The following QSOX1 variants were observed in gnomAD, a reference collection of about 807,000 sequenced individuals.
QSOX1 encodes quiescin sulfhydryl oxidase 1.
In QSOX1, 40 loss-of-function variants were observed where a neutral mutation model predicts 76.1. That is an observed-to-expected ratio of 0.53 (90% CI 0.41 to 0.68). The LOEUF (loss-of-function observed/expected upper bound fraction) is 0.68, where lower values mean the gene tolerates loss of function less well. Ranked by LOEUF, QSOX1 falls within the 30% of genes least tolerant of loss-of-function variation. QSOX1 has a pLI of 0.00. For missense variants in QSOX1, 931 were observed against 974.3 expected, an observed-to-expected ratio of 0.96 and a Z score of 0.59; for synonymous variants, 392 against 413.1, an observed-to-expected ratio of 0.95 and a Z score of 0.62.
At chr1:180,165,550 C>T (rs955655627) in intron 1 of QSOX1, among the ~76,000 whole-genome samples, 2 of 152,286 alleles carry the variant, frequency 1.3e-5, no homozygotes, top group Non-Finnish European at 2.9e-5. Context: ...AACTCTGTTT[C>T]CACCTTTCCT....
chr1:180,175,433 T>C, intron 3 of QSOX1, 67 bp downstream of exon 3: 1 of 1,544,420 alleles, frequency 6.5e-7, no homozygotes. Flanking sequence ...CACCTGGGTT[T>C]CTATTGGGGT....
At chr1:180,183,126 G>A (rs935099379) in intron 6 of QSOX1, among the ~76,000 whole-genome samples, 1 of 152,144 alleles carries the variant, frequency 6.6e-6, no homozygotes, top group African/African-American at 2.4e-5. Context: ...TCCTCTCTCC[G>A]AGTTGGTGGA....
In QSOX1 at chr1:180,189,179, C is replaced by A. The variant is rs113567433; in HGVS notation, c.1018-373C>A. 5.0e-3 allele frequency among the ~76,000 whole-genome samples: 768 copies of A among 152,288 alleles called. 9 individuals are homozygous for A. Among genetic ancestry groups the A allele is most frequent in the African/African-American group, 0.018 (737 of 41,556 alleles). On this transcript the variant is annotated intron_variant, in intron 8 of 11. Transcript: ENST00000367602. ...ACAGGACTGTGTGGCCCAGGGCTCCCAGCAGCCCTGGCAAGGGGCACAAGT... is the reference window on the plus strand; with the variant it reads ...ACAGGACTGTGTGGCCCAGGGCTCCAAGCAGCCCTGGCAAGGGGCACAAGT...
At chr1:180,191,946 C>T (rs185993083) in intron 10 of QSOX1, among the ~76,000 whole-genome samples, 46 of 152,134 alleles carry the variant, frequency 3.0e-4, no homozygotes, top group Middle Eastern at 3.4e-3. Flanking sequence ...GGGCGGTGGT[C>T]GTCTTCTCCT....
intron 2 of QSOX1, among the ~76,000 whole-genome samples, chr1:180,174,471 A>G (rs1207135833): frequency 6.6e-6 from 1 of 152,202 alleles, no homozygotes; most frequent in South Asian, 2.1e-4. Context: ...CCCTTCCTTG[A>G]CTGTGTCTGC....
chr1:180,173,477 G>T (rs1185120549), intron 2 of QSOX1, among the ~76,000 whole-genome samples: 1 of 152,132 alleles, frequency 6.6e-6, no homozygotes, highest in Non-Finnish European at 1.5e-5. Flanking sequence ...AATATGTGTG[G>T]TATGTATAAG....
chr1:180,193,467 G>C (rs1433316857), intron 10 of QSOX1, among the ~76,000 whole-genome samples: 1 of 152,000 alleles, frequency 6.6e-6, no homozygotes, highest in African/African-American at 2.4e-5. Context: ...CTGCTGCGTG[G>C]AGGGGTAAAA....
chr1:180,194,605 G>A (rs187494727), intron 11 of QSOX1, among the ~76,000 whole-genome samples: 18 of 152,346 alleles, frequency 1.2e-4, no homozygotes, highest in Admixed American at 5.9e-4. Flanking sequence ...TTCCCATGCC[G>A]TTGCTCACTT....
chr1:180,178,871 A>G lies in QSOX1; in HGVS notation c.593A>G (p.Tyr198Cys). 1 of 1,613,648 alleles carries G rather than the reference A, an allele frequency of 6.2e-7. No individual in the cohort carries two copies. Among genetic ancestry groups the G allele is most frequent in the South Asian group, 1.1e-5 (1 of 91,084 alleles). The stretch of plus-strand genomic sequence containing the variant: ...CTGATCTTTGAAAAGGGAGGCTCCT[A>G]CCTGGGTAGAGAGGTGAGCTGCCCT... ...LALIFEKGGSYLGREVALDLS... is the reference protein window; with the variant it reads ...LALIFEKGGSCLGREVALDLS... Residue 198 changes from tyrosine (Y) to cysteine (C), a missense_variant, in exon 5 of 12, where the codon TAC (tyrosine) becomes TGC (cysteine). Physicochemically the swap from Tyr to Cys is radical, Grantham distance 194. Transcript: ENST00000367602.
chr1:180,164,725 G>A (rs151190474), intron 1 of QSOX1, among the ~76,000 whole-genome samples: 48 of 152,326 alleles, frequency 3.2e-4, no homozygotes, highest in Non-Finnish European at 4.7e-4. Flanking sequence ...CTGAGACGTC[G>A]TAAGGAGTAA....
rs1009267852 is a variant in QSOX1, at chr1:180,198,869, A to C, written c.*1832A>C. 5.6e-6 allele frequency: 1 copy of C among 178,748 alleles called. No homozygotes were observed. Among genetic ancestry groups the C allele is most frequent in the African/African-American group, 2.4e-5 (1 of 42,364 alleles). 11.1% of individuals were successfully genotyped at this position (178,748 alleles called of 1,614,324 possible). ...CCCAGGGCCGGTGCCCTGTGTGCCC[A>C]CTGCACCAAGGCCGCTGAATAAGCC... On this transcript the variant is annotated 3_prime_UTR_variant, in exon 12 of 12. Transcript: ENST00000367602.
chr1:180,203,154 A>C lies in QSOX1; in HGVS notation c.*6117A>C, dbSNP rs1663668755. 6.6e-6 allele frequency: 1 copy of C among 152,236 alleles called. No homozygotes were observed. Among genetic ancestry groups the C allele is most frequent in the Admixed American group, 6.5e-5 (1 of 15,280 alleles). The allele number at this position is 152,236 out of a possible 1,614,324, so 9.4% of individuals were successfully genotyped here. ...GGAAATATATGCTGTAAATATGACA[A>C]AGGGCTGTGACTCTTCTGCAACACA... On this transcript the variant is annotated 3_prime_UTR_variant, in exon 12 of 12. Transcript: ENST00000367602.
At chr1:180,192,984 G>A (rs961868243) in intron 10 of QSOX1, among the ~76,000 whole-genome samples, 1 of 151,992 alleles carries the variant, frequency 6.6e-6, no homozygotes, top group Admixed American at 6.6e-5. Flanking sequence ...TAGTCACTGG[G>A]GCCAGTGCAG....
At chr1:180,173,997 G>T (rs533360662) in intron 2 of QSOX1, among the ~76,000 whole-genome samples, 119 of 152,354 alleles carry the variant, frequency 7.8e-4, no homozygotes, top group Non-Finnish European at 1.3e-3. Flanking sequence ...GCCAGAGCCC[G>T]GGGCCTGTTC....
intron 4 of QSOX1, among the ~76,000 whole-genome samples, chr1:180,177,071 C>A (rs61811814): frequency 0.11 from 16,642 of 152,188 alleles, 1,234 homozygotes; most frequent in Middle Eastern, 0.2. Context: ...CAGACCCTGT[C>A]TCTCCAGAAA....
At chr1:180,172,624 A>G (rs1662788546) in intron 2 of QSOX1, among the ~76,000 whole-genome samples, 1 of 152,124 alleles carries the variant, frequency 6.6e-6, no homozygotes, top group Admixed American at 6.5e-5. Context: ...GGTTCAAGCA[A>G]TTCTCCTGCC....
chr1:180,180,897 T>C (rs902739352), intron 5 of QSOX1, among the ~76,000 whole-genome samples: 1 of 152,204 alleles, frequency 6.6e-6, no homozygotes, highest in Non-Finnish European at 1.5e-5. Flanking sequence ...ATTAACCCCT[T>C]CAGTTCTCAG....
intron 5 of QSOX1, among the ~76,000 whole-genome samples, chr1:180,180,666 C>T (rs1663008028): frequency 1.3e-5 from 2 of 152,236 alleles, no homozygotes; most frequent in South Asian, 2.1e-4. Context: ...AGGCGCCCGC[C>T]ACCACACCAG....
Position 180,174,253 on chromosome 1 carries a change from G to A in QSOX1, c.367-1068G>A, listed in dbSNP as rs140494043. Among the ~76,000 whole-genome samples, 124 of 152,106 alleles carry A rather than the reference G, an allele frequency of 8.2e-4. 3 individuals are homozygous for A. In the South Asian group the frequency reaches 0.015, roughly 18 times the overall value. The stretch of plus-strand genomic sequence containing the variant: ...AGCGCAGGCAAAAGCCTTGGCAGCT[G>A]TCTTGCCGCCTGGGCAGAAGCCCAG... On this transcript the variant is annotated intron_variant, in intron 2 of 11. Coordinates refer to ENST00000367602, the MANE Select transcript of QSOX1 (RefSeq NM_002826.5).
Sources: gnomAD v4.1 joint callset for allele counts (sites outside exome capture counted in the v4.1 genomes callset) on GRCh38, gnomAD v4.1.1 for gene constraint, MANE v1.5 for transcripts, NCBI Gene and HGNC (gene_info 2026-07-23, HGNC 2026-07-21) for gene names.